ERBB4: variants seen among roughly 807,000 people sequenced by gnomAD.
ERBB4 encodes erb-b2 receptor tyrosine kinase 4.
In ERBB4, 42 loss-of-function variants were observed where a neutral mutation model predicts 158.0. The ratio of observed to expected loss-of-function variants is 0.27; its 90% CI spans 0.21 to 0.34. ERBB4 has a LOEUF of 0.34. Ranked by LOEUF, ERBB4 falls within the 10% of genes least tolerant of loss-of-function variation. The pLI is 1.00. For missense variants in ERBB4, 1,333 were observed against 1,624.1 expected, an observed-to-expected ratio of 0.82 and a Z score of 3.08; for synonymous variants, 583 against 558.7, an observed-to-expected ratio of 1.04 and a Z score of -0.61.
At chr2:211,849,396 C>T (rs1037047208) in intron 3 of ERBB4, among the ~76,000 whole-genome samples, 1 of 151,798 alleles carries the variant, frequency 6.6e-6, no homozygotes, top group Non-Finnish European at 1.5e-5. Context: ...AAATATAATT[C>T]CTACTTCTAT....
At chr2:211,940,763 C>T (rs1330540571) in intron 3 of ERBB4, among the ~76,000 whole-genome samples, 1 of 152,062 alleles carries the variant, frequency 6.6e-6, no homozygotes, top group East Asian at 1.9e-4. Flanking sequence ...CGCCCAACCC[C>T]ACCACTTATT....
chr2:211,875,615 T>C (rs369257774), intron 3 of ERBB4, among the ~76,000 whole-genome samples: 2 of 152,172 alleles, frequency 1.3e-5, no homozygotes, highest in Non-Finnish European at 2.9e-5. Context: ...AGCACAATTA[T>C]TATATTTTTA....
chr2:211,974,133 T>A (rs2081538542), intron 2 of ERBB4, among the ~76,000 whole-genome samples: 1 of 152,142 alleles, frequency 6.6e-6, no homozygotes, highest in Non-Finnish European at 1.5e-5. Context: ...CAGTGAGTAC[T>A]AGGATTAATA....
At chr2:211,995,247 G>A (rs2082172714) in intron 2 of ERBB4, among the ~76,000 whole-genome samples, 1 of 151,960 alleles carries the variant, frequency 6.6e-6, no homozygotes, top group Non-Finnish European at 1.5e-5. Context: ...TCATTTTTCT[G>A]TGCTCTATGA....
At chr2:211,772,838 CATATATATATATATATATATATATATAT>C (rs1278564933) in intron 4 of ERBB4, among the ~76,000 whole-genome samples, 25 of 18,310 alleles carry the variant, frequency 1.4e-3, no homozygotes, top group South Asian at 7.0e-3. Context: ...TATATATACA[CATATATATATATATATATATATATATAT>C]ATACACATAT....
chr2:211,499,153 G>C (rs766815915), intron 20 of ERBB4, among the ~76,000 whole-genome samples: 1 of 152,022 alleles, frequency 6.6e-6, no homozygotes, highest in Admixed American at 6.6e-5. Flanking sequence ...CTTTTATTAA[G>C]TGCTAGGTTC....
At chr2:211,691,853 G>A (rs1029460925) in intron 12 of ERBB4, among the ~76,000 whole-genome samples, 1 of 152,074 alleles carries the variant, frequency 6.6e-6, no homozygotes, top group Non-Finnish European at 1.5e-5. Flanking sequence ...GTGGTACCCT[G>A]TAAACTGGTG....
chr2:211,995,648 T>A (rs1318901093), intron 2 of ERBB4, among the ~76,000 whole-genome samples: 1 of 152,164 alleles, frequency 6.6e-6, no homozygotes, highest in East Asian at 1.9e-4. Context: ...TTATTCAATG[T>A]GTCGTGCTTT....
intron 15 of ERBB4, among the ~76,000 whole-genome samples, chr2:211,660,461 A>G (rs905981550): frequency 6.6e-6 from 1 of 152,222 alleles, no homozygotes; most frequent in Non-Finnish European, 1.5e-5. Context: ...GAAGACTTAC[A>G]TTTCTAGCTT....
In ERBB4 at chr2:212,242,180, C is replaced by T. The variant is rs1473887443; in HGVS notation, c.83-117277G>A. 3.3e-5 allele frequency among the ~76,000 whole-genome samples: 5 copies of T among 151,734 alleles called. No homozygotes were observed. The East Asian group carries it at 9.7e-4, about 29-fold the overall frequency. On this transcript the variant is annotated intron_variant, in intron 1 of 27. Coordinates refer to ENST00000342788, the MANE Select transcript of ERBB4 (RefSeq NM_005235.3). ...CTGATTTAAATCAGATTCAAGTAGG[C>T]AATTTTTTCCAATTATATTAAGGAA...
At chr2:212,032,492 T>C (rs1274980447) in intron 2 of ERBB4, among the ~76,000 whole-genome samples, 1 of 152,106 alleles carries the variant, frequency 6.6e-6, no homozygotes, top group Non-Finnish European at 1.5e-5. Context: ...GTTTTATATT[T>C]AAACAAATAT....
At chr2:211,651,320 G>A (rs2070973596) in intron 16 of ERBB4, among the ~76,000 whole-genome samples, 1 of 152,076 alleles carries the variant, frequency 6.6e-6, no homozygotes, top group African/African-American at 2.4e-5. Flanking sequence ...ATGACACACA[G>A]AATAATAATC....
At chr2:211,651,563 A>G (rs1211576338) in intron 16 of ERBB4, among the ~76,000 whole-genome samples, 1 of 152,182 alleles carries the variant, frequency 6.6e-6, no homozygotes, top group Non-Finnish European at 1.5e-5. Flanking sequence ...GAAGATAGAA[A>G]GACAATCAGC....
chr2:212,178,379 G>T (rs1301706282), intron 1 of ERBB4, among the ~76,000 whole-genome samples: 4 of 151,706 alleles, frequency 2.6e-5, no homozygotes, highest in Non-Finnish European at 4.4e-5. Context: ...CCCTAAAAAT[G>T]AGAGTTATGT....
chr2:211,543,974 T>C (rs187749589), intron 20 of ERBB4, among the ~76,000 whole-genome samples: 1 of 152,120 alleles, frequency 6.6e-6, no homozygotes, highest in East Asian at 1.9e-4. Context: ...CAGGAGAATA[T>C]GCATGGAGAG....
intron 3 of ERBB4, among the ~76,000 whole-genome samples, chr2:211,832,124 G>T (rs1382731385): frequency 6.6e-6 from 1 of 152,052 alleles, no homozygotes; most frequent in South Asian, 2.1e-4. Context: ...AATTCATATA[G>T]CTACTGTAGC....
chr2:211,773,644 AT>A lies in ERBB4; in HGVS notation c.556+14380del, dbSNP rs1349577888. On this transcript the variant is annotated intron_variant, in intron 4 of 27. Transcript: ENST00000342788. ...TATATATATATATATATATATATAT[AT>A]ATAATATATATACACACACACACAC... Among the ~76,000 whole-genome samples, 15 of 89,564 alleles carry A rather than the reference AT, an allele frequency of 1.7e-4. 1 individual carries two copies. The highest frequency in any genetic ancestry group is 5.1e-4 in the East Asian group (1 of 1,944). The allele number at this position is 89,564 out of a possible 152,430, so 58.8% of individuals were successfully genotyped here.
intron 20 of ERBB4, among the ~76,000 whole-genome samples, chr2:211,496,046 CCTT>C (rs1215797598): frequency 6.6e-6 from 1 of 152,010 alleles, no homozygotes; most frequent in Non-Finnish European, 1.5e-5. Context: ...ATCATTCTCT[CCTT>C]CTTGAAACAT....
rs144184694 is a variant in ERBB4 at position 212,474,751 on chromosome 2, T to C, written c.82+63698A>G. Among the ~76,000 whole-genome samples, 280 of 151,700 alleles carry C rather than the reference T, an allele frequency of 1.8e-3. 3 individuals carry two copies. Among genetic ancestry groups the C allele is most frequent in the African/African-American group, 6.3e-3 (258 of 41,270 alleles). On this transcript the variant is annotated intron_variant, in intron 1 of 27. Transcript: ENST00000342788. Reference sequence around the variant, plus strand: ...TGTTGGGTAGGCATTTCCAATAGAATACTCCAGAGATATCTTAAAATAAAC... The same window carrying C: ...TGTTGGGTAGGCATTTCCAATAGAACACTCCAGAGATATCTTAAAATAAAC...
Sources: gnomAD v4.1 joint callset for allele counts (sites outside exome capture counted in the v4.1 genomes callset) on GRCh38, gnomAD v4.1.1 for gene constraint, MANE v1.5 for transcripts, NCBI Gene and HGNC (gene_info 2026-07-23, HGNC 2026-07-21) for gene names.